Variants in GABRA2 observed in about 807,000 individuals in gnomAD.
GABRA2 encodes the protein gamma-aminobutyric acid receptor subunit alpha-2.
GABRA2 carries 16 observed loss-of-function variants against 48.7 expected under a neutral mutation model. The ratio of observed to expected loss-of-function variants is 0.33; its 90% CI spans 0.22 to 0.50. GABRA2 has a LOEUF of 0.50. Among genes scored for constraint, GABRA2 ranks in the 20% least tolerant of loss-of-function variants. The probability of loss-of-function intolerance (pLI) is 0.98; values close to 1 mark genes in which losing one functional copy is unlikely to be tolerated. For missense variants in GABRA2, 275 were observed against 535.6 expected, an observed-to-expected ratio of 0.51 and a Z score of 4.80; for synonymous variants, 185 against 184.5, an observed-to-expected ratio of 1.00 and a Z score of -0.02.
At position 46,317,193 on chromosome 4, in the gene GABRA2, A is replaced by G. The variant is rs75096784; in HGVS notation, c.256-4477T>C. 2.3e-3 allele frequency among the ~76,000 whole-genome samples: 353 copies of G among 152,032 alleles called. 1 individual carries two copies. The highest frequency in any genetic ancestry group is 7.8e-3 in the African/African-American group (326 of 41,538). On this transcript the variant is annotated intron_variant, in intron 4 of 9. Transcript: ENST00000381620. ...CATCTGAAATTTCAATGAAAGTCAC[A>G]TGAGTCTAATCTCAGGGAAGCAGGT...
chr4:46,305,421 A>AT (rs386399988), intron 7 of GABRA2, 147 bp downstream of exon 7: 7 of 661,232 alleles, frequency 1.1e-5, no homozygotes, highest in Non-Finnish European at 1.8e-5. Context: ...AATTAAAAAA[A>AT]AAAAAAACAA....
intron 9 of GABRA2, among the ~76,000 whole-genome samples, chr4:46,251,177 T>C (rs1714677652): frequency 6.6e-6 from 1 of 151,404 alleles, no homozygotes; most frequent in Non-Finnish European, 1.5e-5. Context: ...GCTCATCCCG[T>C]TTCACTTTAT....
At chr4:46,261,758 A>G in intron 9 of GABRA2, 168 bp downstream of exon 9, 1 of 653,304 alleles carries the variant, frequency 1.5e-6, no homozygotes, top group Non-Finnish European at 2.7e-6. Context: ...TTAGTACTAC[A>G]AGAACTCCTA....
chr4:46,334,955 G>GT (rs1731959600), intron 3 of GABRA2, among the ~76,000 whole-genome samples: 1 of 151,994 alleles, frequency 6.6e-6, no homozygotes, highest in Non-Finnish European at 1.5e-5. Flanking sequence ...TGAGTTTTTT[G>GT]GTTTTTTTGG....
intron 3 of GABRA2, among the ~76,000 whole-genome samples, chr4:46,361,206 A>G (rs1713124014): frequency 2.0e-5 from 3 of 152,286 alleles, no homozygotes; most frequent in South Asian, 4.1e-4. Context: ...GGCATGTAAG[A>G]GACCTCTGTG....
At chr4:46,370,736 G>T (rs570571906) in intron 3 of GABRA2, among the ~76,000 whole-genome samples, 2 of 152,188 alleles carry the variant, frequency 1.3e-5, no homozygotes, top group South Asian at 4.1e-4. Flanking sequence ...AGCAGCCTTT[G>T]TGTCCTTCCA....
chr4:46,382,960 C>G (rs1278414615), intron 3 of GABRA2, among the ~76,000 whole-genome samples: 2 of 152,048 alleles, frequency 1.3e-5, no homozygotes, highest in Non-Finnish European at 2.9e-5. Flanking sequence ...AAATTGAGCC[C>G]ATTTTTCCCT....
In GABRA2 at chr4:46,272,074, CAA is replaced by C. The variant is rs1377995647; in HGVS notation, c.857-9948_857-9947del. Among the ~76,000 whole-genome samples, 8 of 152,038 alleles carry C rather than the reference CAA, an allele frequency of 5.3e-5. No homozygotes were observed. The South Asian group carries it at 1.7e-3, about 32-fold the overall frequency. On this transcript the variant is annotated intron_variant, in intron 8 of 9. Coordinates refer to ENST00000381620, the MANE Select transcript of GABRA2 (RefSeq NM_000807.4). ...GAGAATACACCAATTAACAAAATTG[CAA>C]AGATTCCTGCACCCTAGGGTGCCAA... is the stretch of plus-strand genomic sequence containing the variant.
intron 4 of GABRA2, among the ~76,000 whole-genome samples, chr4:46,331,428 G>A (rs1009529052): frequency 1.3e-5 from 2 of 152,082 alleles, no homozygotes; most frequent in African/African-American, 2.4e-5. Flanking sequence ...GAAACGTAGG[G>A]AGCTCCTATT....
In GABRA2 at chr4:46,245,700, A is replaced by G. The variant is rs889484769; in HGVS notation, c.*4608T>C. On this transcript the variant is annotated 3_prime_UTR_variant, in exon 10 of 10. Coordinates refer to ENST00000381620, the MANE Select transcript of GABRA2 (RefSeq NM_000807.4). ...CCATACATACCTAGGAATTACACACATACACACTCGCAAACATACACACAT... is the reference window on the plus strand; with the variant it reads ...CCATACATACCTAGGAATTACACACGTACACACTCGCAAACATACACACAT... Among the ~76,000 whole-genome samples, 2 of 151,268 alleles carry G rather than the reference A, an allele frequency of 1.3e-5. No homozygotes were observed. Among genetic ancestry groups the G allele is most frequent in the African/African-American group, 2.4e-5 (1 of 41,356 alleles).
At chr4:46,315,418 G>T (rs1305296441) in intron 4 of GABRA2, among the ~76,000 whole-genome samples, 1 of 151,894 alleles carries the variant, frequency 6.6e-6, no homozygotes, top group African/African-American at 2.4e-5. Flanking sequence ...CAGTGTCCTA[G>T]GTGTGCCCTG....
intron 3 of GABRA2, among the ~76,000 whole-genome samples, chr4:46,341,617 A>G (rs1733257127): frequency 6.6e-6 from 1 of 152,062 alleles, no homozygotes; most frequent in African/African-American, 2.4e-5. Context: ...ATTAGGGGGA[A>G]GTAACATCTT....
At chr4:46,325,061 C>T (rs71611973) in intron 4 of GABRA2, among the ~76,000 whole-genome samples, 5,520 of 151,796 alleles carry the variant, frequency 0.036, 135 homozygotes, top group African/African-American at 0.071. Context: ...GTAGAACAAT[C>T]TATATTCTAC....
At chr4:46,355,304 A>C (rs1202608071) in intron 3 of GABRA2, among the ~76,000 whole-genome samples, 1 of 152,176 alleles carries the variant, frequency 6.6e-6, no homozygotes, top group African/African-American at 2.4e-5. Flanking sequence ...TTGCATTTCA[A>C]TGCACTAAAC....
chr4:46,355,649 T>G (rs1387172620), intron 3 of GABRA2, among the ~76,000 whole-genome samples: 1 of 152,150 alleles, frequency 6.6e-6, no homozygotes, highest in African/African-American at 2.4e-5. Flanking sequence ...TGATTCTCCC[T>G]TTGCTAAAGA....
chr4:46,329,594 AGT>A (rs1730989382), intron 4 of GABRA2, among the ~76,000 whole-genome samples: 1 of 152,184 alleles, frequency 6.6e-6, no homozygotes, highest in Non-Finnish European at 1.5e-5. Flanking sequence ...TGATTTTGGA[AGT>A]GGTGACACTG....
At position 46,245,507 on chromosome 4, in the gene GABRA2, A is replaced by C. The variant is rs1713553724; in HGVS notation, c.*4801T>G. Among the ~76,000 whole-genome samples, 1 of 151,276 alleles carries C rather than the reference A, an allele frequency of 6.6e-6. No homozygotes were observed. The highest frequency in any genetic ancestry group is 1.5e-5 in the Non-Finnish European group (1 of 67,476). On this transcript the variant is annotated 3_prime_UTR_variant, in exon 10 of 10. Coordinates refer to ENST00000381620, the MANE Select transcript of GABRA2 (RefSeq NM_000807.4). ...AAAGATATTTTTAACCATATGCATA[A>C]CTCAAACCTAATTCTAATTAATAAG...
At chr4:46,324,325 G>T (rs1247325860) in intron 4 of GABRA2, among the ~76,000 whole-genome samples, 3 of 151,798 alleles carry the variant, frequency 2.0e-5, no homozygotes, top group Non-Finnish European at 4.4e-5. Flanking sequence ...CTCATCATGG[G>T]ATCTGAGACT....
intron 3 of GABRA2, among the ~76,000 whole-genome samples, chr4:46,378,668 A>T (rs1716323430): frequency 6.6e-6 from 1 of 151,888 alleles, no homozygotes; most frequent in South Asian, 2.1e-4. Flanking sequence ...AAAAAAAAAA[A>T]ATTTAAAAAT....
Sources: gnomAD v4.1 joint callset for allele counts (sites outside exome capture counted in the v4.1 genomes callset) on GRCh38, gnomAD v4.1.1 for gene constraint, MANE v1.5 for transcripts, NCBI Gene and HGNC (gene_info 2026-07-23, HGNC 2026-07-21) for gene names.